The following JMJD1C variants were observed in gnomAD, a reference collection of about 807,000 sequenced individuals.
JMJD1C encodes jumonji domain-containing protein 1C.
In JMJD1C, 31 loss-of-function variants were observed where a neutral mutation model predicts 245.3. That is an observed-to-expected ratio of 0.13 (90% confidence interval 0.09 to 0.17). JMJD1C has a LOEUF of 0.17. JMJD1C is among the 10% of genes least tolerant of loss of function. The pLI is 1.00. For synonymous variants in JMJD1C, 1,057 were observed against 1,017.4 expected, an observed-to-expected ratio of 1.04 and a Z score of -0.74; for missense variants, 2,691 against 3,000.2, an observed-to-expected ratio of 0.90 and a Z score of 2.41.
intron 3 of JMJD1C, among the ~76,000 whole-genome samples, chr10:63,223,735 C>T (rs1848910194): frequency 6.6e-6 from 1 of 151,806 alleles, no homozygotes; most frequent in Non-Finnish European, 1.5e-5. Flanking sequence ...ATTTCTTCAA[C>T]ATTTATTTAT....
At chr10:63,200,347 A>G (rs1311092457) in intron 11 of JMJD1C, 129 bp downstream of exon 11, 20 of 678,030 alleles carry the variant, frequency 2.9e-5, no homozygotes, top group Non-Finnish European at 4.7e-5. Flanking sequence ...ACTCTTTTAT[A>G]ATGTTTCCAA....
At chr10:63,262,830 CA>C (rs202085457) in intron 3 of JMJD1C, among the ~76,000 whole-genome samples, 3 of 148,248 alleles carry the variant, frequency 2.0e-5, no homozygotes, top group Non-Finnish European at 3.0e-5. Context: ...GTACCCCCCC[CA>C]CTCTCCCCCA....
intron 2 of JMJD1C, among the ~76,000 whole-genome samples, chr10:63,277,481 T>C (rs560964877): frequency 1.3e-5 from 2 of 152,272 alleles, no homozygotes; most frequent in South Asian, 2.1e-4. Context: ...ATCTCCTTTA[T>C]AGATGGGTAA....
chr10:63,177,676 T>C (rs1255557443), intron 23 of JMJD1C, 41 bp downstream of exon 23: 1 of 1,604,874 alleles, frequency 6.2e-7, no homozygotes, highest in Non-Finnish European at 8.5e-7. Flanking sequence ...AATAAGTCCT[T>C]GCTTGAGGGG....
At chr10:63,375,183 C>CTTTT (rs67008681) in intron 2 of JMJD1C, among the ~76,000 whole-genome samples, 23,000 of 92,658 alleles carry the variant, frequency 0.25, 3,909 homozygotes, top group Non-Finnish European at 0.28. Context: ...TAAAAATTGG[C>CTTTT]TTTTTTTTTT....
intron 1 of JMJD1C, among the ~76,000 whole-genome samples, chr10:63,385,195 C>T (rs930884243): frequency 3.9e-5 from 6 of 152,038 alleles, no homozygotes; most frequent in Admixed American, 6.6e-5. Flanking sequence ...ACGGGTGTGG[C>T]TTCTGGTGCC....
At chr10:63,416,884 C>T (rs1949841230) in intron 1 of JMJD1C, among the ~76,000 whole-genome samples, 1 of 152,112 alleles carries the variant, frequency 6.6e-6, no homozygotes, top group Admixed American at 6.5e-5. Flanking sequence ...TTCAATTTCA[C>T]ACTGCAAAAA....
intron 10 of JMJD1C, chr10:63,203,640 A>C: frequency 3.1e-6 from 3 of 975,612 alleles, no homozygotes; most frequent in Non-Finnish European, 3.7e-6. Context: ...AAAACATAAA[A>C]ATTAGTGGAG....
Position 63,453,168 on chromosome 10 carries a change from G to A in JMJD1C, c.168+12327C>T, listed in dbSNP as rs553113972. Reference sequence around the variant, plus strand: ...CAGGTGCCTGTAACCACAGCTACTCGGGAGGCTGAGGCATGAGAATCGCTT... The same window carrying A: ...CAGGTGCCTGTAACCACAGCTACTCAGGAGGCTGAGGCATGAGAATCGCTT... On this transcript the variant is annotated intron_variant, in intron 1 of 25. Coordinates refer to ENST00000399262, the MANE Select transcript of JMJD1C (RefSeq NM_032776.3). Among the ~76,000 whole-genome samples the A allele has an allele frequency of 9.2e-5, 14 of 152,184 alleles. No homozygotes were observed. The South Asian group carries it at 1.9e-3, about 20-fold the overall frequency.
intron 1 of JMJD1C, among the ~76,000 whole-genome samples, chr10:63,486,516 C>A (rs900495994): frequency 6.6e-6 from 1 of 152,086 alleles, no homozygotes; most frequent in African/African-American, 2.4e-5. Context: ...TTGAAATAAG[C>A]TTAATTTATC....
intron 1 of JMJD1C, among the ~76,000 whole-genome samples, chr10:63,417,122 T>TAG (rs1307320026): frequency 1.3e-5 from 2 of 152,144 alleles, no homozygotes; most frequent in Non-Finnish European, 2.9e-5. Flanking sequence ...GGCACCTACT[T>TAG]TGAAAAAATT....
chr10:63,424,319 G>A (rs1950303568), intron 1 of JMJD1C, among the ~76,000 whole-genome samples: 1 of 151,232 alleles, frequency 6.6e-6, no homozygotes, highest in Non-Finnish European at 1.5e-5. Context: ...CCCCTGCCAT[G>A]GCCTCCCAAA....
intron 2 of JMJD1C, among the ~76,000 whole-genome samples, chr10:63,338,187 T>G (rs1175847678): frequency 1.3e-5 from 2 of 152,178 alleles, no homozygotes; most frequent in African/African-American, 4.8e-5. Flanking sequence ...CAGGCTGGAG[T>G]GCACTGGTGC....
At chr10:63,479,222 C>T (rs1443978648) in intron 1 of JMJD1C, among the ~76,000 whole-genome samples, 1 of 150,950 alleles carries the variant, frequency 6.6e-6, no homozygotes, top group Non-Finnish European at 1.5e-5. Flanking sequence ...TGAATACCCA[C>T]ATACCCTTCA....
chr10:63,451,083 C>T lies in JMJD1C; in HGVS notation c.168+14412G>A, dbSNP rs188912719. On this transcript the variant is annotated intron_variant, in intron 1 of 25. Coordinates refer to ENST00000399262, the MANE Select transcript of JMJD1C (RefSeq NM_032776.3). ...TTACAGTAACATCAAAAAAATAATA[C>T]GTAAGAAACCAAGGAGACAAATGAC... is the stretch of plus-strand genomic sequence containing the variant. 1.6e-3 allele frequency among the ~76,000 whole-genome samples: 239 copies of T among 151,974 alleles called. 1 individual carries two copies. The highest frequency in any genetic ancestry group is 2.6e-3 in the Non-Finnish European group (177 of 67,946).
chr10:63,429,242 G>A (rs966739977), intron 1 of JMJD1C, among the ~76,000 whole-genome samples: 4 of 152,072 alleles, frequency 2.6e-5, no homozygotes, highest in Non-Finnish European at 5.9e-5. Context: ...GCCTCCCAAA[G>A]TGCTGGGATT....
chr10:63,403,898 T>C (rs753956545), intron 1 of JMJD1C, among the ~76,000 whole-genome samples: 1 of 152,106 alleles, frequency 6.6e-6, no homozygotes, highest in Admixed American at 6.6e-5. Flanking sequence ...ATTGCGCCAC[T>C]GCACTCCAGC....
chr10:63,168,201 C>A, intron 25 of JMJD1C, 67 bp from the exon 26 acceptor site: 1 of 1,252,388 alleles, frequency 8.0e-7, no homozygotes, highest in South Asian at 1.3e-5. Flanking sequence ...ATGACAACTT[C>A]CAGATTTAAA....
At chr10:63,271,828 G>C (rs1429381482) in intron 2 of JMJD1C, among the ~76,000 whole-genome samples, 1 of 152,094 alleles carries the variant, frequency 6.6e-6, no homozygotes, top group African/African-American at 2.4e-5. Context: ...CTACTGAAAA[G>C]AGGCCGGGAT....
Sources: allele counts gnomAD v4.1 joint callset (sites outside exome capture counted in the v4.1 genomes callset), GRCh38; gene constraint gnomAD v4.1.1; transcripts MANE v1.5; gene names NCBI Gene and HGNC (gene_info 2026-07-23, HGNC 2026-07-21).